The following KPNB1 variants were observed in gnomAD, a reference collection of about 807,000 sequenced individuals.
The protein encoded by KPNB1 is importin subunit beta-1.
A neutral mutation model predicts 113.0 loss-of-function variants in KPNB1; 7 were observed. The observed-to-expected ratio is 0.06, with a 90% CI of 0.04 to 0.12. KPNB1 has a LOEUF of 0.12. Among genes scored for constraint, KPNB1 ranks in the 10% least tolerant of loss-of-function variants. The pLI, the probability that KPNB1 is intolerant of heterozygous loss-of-function variation, is 1.00. For synonymous variants in KPNB1, 363 were observed against 378.6 expected (o/e 0.96, Z 0.48); for missense variants, 400 against 1,054.8 (o/e 0.38, Z 8.60).
intron 8 of KPNB1, 130 bp from the exon 9 acceptor site, chr17:47,664,927 C>G: frequency 1.4e-6 from 1 of 702,504 alleles, no homozygotes; most frequent in Non-Finnish European, 2.5e-6. Flanking sequence ...TCCAAGATCA[C>G]ATTGTATGTT....
intron 5 of KPNB1, 75 bp from the exon 6 acceptor site, chr17:47,661,044 G>A: frequency 3.3e-6 from 4 of 1,203,592 alleles, no homozygotes; most frequent in East Asian, 4.8e-5. Context: ...GGTTTTCCTT[G>A]TAGAGGGAGT....
Position 47,677,072 on chromosome 17 carries a change from C to T in KPNB1, c.2048C>T (p.Ser683Phe). ...GGAGACTTGTGCCGTGCCCTGCAAT[C>T]CAACATCATACCTTTCTGTGACGAG... ...LVGDLCRALQ[S>F]NIIPFCDEVM... is the part of the protein sequence containing the mutation. Residue 683 changes from serine (S) to phenylalanine (F), a missense_variant, in exon 17 of 22, where the codon TCC (serine) becomes TTC (phenylalanine). Transcript: ENST00000290158. 6.2e-7 allele frequency: 1 copy of T among 1,614,028 alleles called. No individual in the cohort carries two copies. The highest frequency in any genetic ancestry group is 1.1e-5 in the South Asian group (1 of 91,070).
At chr17:47,677,224 T>C (rs750611818) in intron 17 of KPNB1, 97 bp downstream of exon 17, 3 of 975,144 alleles carry the variant, frequency 3.1e-6, no homozygotes, top group Non-Finnish European at 4.7e-6. Context: ...CGCAGTGGCC[T>C]GTAATCCCAG....
chr17:47,657,325 A>T (rs1443539612), intron 4 of KPNB1, among the ~76,000 whole-genome samples: 1 of 152,202 alleles, frequency 6.6e-6, no homozygotes, highest in Non-Finnish European at 1.5e-5. Flanking sequence ...AAATGAGGAT[A>T]TTCTCATTTG....
intron 21 of KPNB1, among the ~76,000 whole-genome samples, chr17:47,681,055 T>TGTGTG (rs1567896335): frequency 5.4e-5 from 8 of 147,226 alleles, no homozygotes; most frequent in South Asian, 4.3e-4. Flanking sequence ...AAATGTTTTT[T>TGTGTG]TGTGTGTGTG....
At chr17:47,664,130 T>G (rs754178419) in intron 7 of KPNB1, 29 bp from the exon 8 acceptor site, 3 of 1,457,576 alleles carry the variant, frequency 2.1e-6, no homozygotes, top group African/African-American at 1.4e-5. Context: ...CAGTACTTAT[T>G]TGGGGCCTGG....
At chr17:47,658,762 AC>A in intron 5 of KPNB1, 102 bp downstream of exon 5, 2 of 954,032 alleles carry the variant, frequency 2.1e-6, no homozygotes, top group Non-Finnish European at 3.1e-6. Context: ...TTTAGAAAGT[AC>A]CACCTACTTA....
At chr17:47,677,246 G>T in intron 17 of KPNB1, 119 bp downstream of exon 17, 3 of 757,460 alleles carry the variant, frequency 4.0e-6, no homozygotes, top group Non-Finnish European at 4.4e-6. Context: ...ATTTTGGGAG[G>T]CCGAGGCAGG....
chr17:47,653,485 G>A (rs1374622408), intron 3 of KPNB1, among the ~76,000 whole-genome samples: 4 of 152,012 alleles, frequency 2.6e-5, no homozygotes, highest in African/African-American at 9.7e-5. Context: ...CAGGTGATCT[G>A]CCTGCCTTGG....
At chr17:47,653,596 A>T (rs1305885010) in intron 3 of KPNB1, among the ~76,000 whole-genome samples, 1 of 152,210 alleles carries the variant, frequency 6.6e-6, no homozygotes, top group African/African-American at 2.4e-5. Context: ...GGTAAGGCAC[A>T]AAGAGGAGTG....
At position 47,679,336 on chromosome 17, in the gene KPNB1, A is replaced by G. The variant is rs1049286820; in HGVS notation, c.2354-684A>G. Among the ~76,000 whole-genome samples the G allele has an allele frequency of 5.3e-5, 8 of 152,296 alleles. No homozygotes were observed. In the East Asian group the frequency reaches 1.5e-3, roughly 29 times the overall value. ...GCTTCCTGTATCAACCATGAGTGGC[A>G]GGTCCCCTACCCCTTTCCCATCCCC... On this transcript the variant is annotated intron_variant, in intron 19 of 21. Coordinates refer to ENST00000290158, the MANE Select transcript of KPNB1 (RefSeq NM_002265.6).
At position 47,674,797 on chromosome 17, in the gene KPNB1, C is replaced by T. The variant is rs1265168235; in HGVS notation, c.1912+15C>T. On this transcript the variant is annotated intron_variant, in intron 15 of 21. Transcript: ENST00000290158. ...ACTGGTGGAAGGTCGGTGAGAAATA[C>T]TGTCTGGTCAGGGAATGTCTTTGGA... 5 of 1,602,150 alleles carry T rather than the reference C, an allele frequency of 3.1e-6. No homozygotes were observed. In the East Asian group the frequency reaches 8.9e-5, roughly 29 times the overall value.
intron 5 of KPNB1, among the ~76,000 whole-genome samples, chr17:47,659,913 T>C (rs1237417100): frequency 1.3e-5 from 2 of 151,518 alleles, no homozygotes; most frequent in African/African-American, 2.4e-5. Context: ...AAAAAAAATA[T>C]ATATATATGT....
rs186102346 is a variant in KPNB1, at chr17:47,682,578, C to T, written c.*174C>T. 29 of 639,994 alleles carry T rather than the reference C, an allele frequency of 4.5e-5. No individual in the cohort carries two copies. Among genetic ancestry groups the T allele is most frequent in the South Asian group, 3.1e-4 (17 of 55,292 alleles). 39.6% of individuals were successfully genotyped at this position (639,994 alleles called of 1,614,324 possible). A position where few individuals can be genotyped will look rare whatever the true frequency, so the allele number is the denominator to read the frequency against. On this transcript the variant is annotated 3_prime_UTR_variant, in exon 22 of 22. Coordinates refer to ENST00000290158, the MANE Select transcript of KPNB1 (RefSeq NM_002265.6). ...ATCCTGCCACAGCAGCAGCCGCAGC[C>T]GCCAACAGCAGCGCTGTTAGTGAGC...
In KPNB1 at chr17:47,670,135, G is replaced by A. The variant is rs148591743; in HGVS notation, c.1416+266G>A. 3.9e-5 allele frequency among the ~76,000 whole-genome samples: 6 copies of A among 152,288 alleles called. No individual in the cohort carries two copies. In the East Asian group the frequency reaches 1.2e-3, roughly 29 times the overall value. The stretch of plus-strand genomic sequence containing the variant: ...TGGACTTGGGTTGCTTTCTTGAATT[G>A]CTTGGGGACAAGAAGTTTTGATTAA... On this transcript the variant is annotated intron_variant, in intron 11 of 21. Coordinates refer to ENST00000290158, the MANE Select transcript of KPNB1 (RefSeq NM_002265.6).
intron 15 of KPNB1, among the ~76,000 whole-genome samples, chr17:47,676,149 G>T (rs996848892): frequency 2.6e-5 from 4 of 152,142 alleles, no homozygotes; most frequent in Admixed American, 2.6e-4. Flanking sequence ...CCACTTGGTT[G>T]TATTAGTCAG....
chr17:47,683,895 A>G lies in KPNB1; in HGVS notation c.*1491A>G, dbSNP rs973819891. On this transcript the variant is annotated 3_prime_UTR_variant, in exon 22 of 22. Coordinates refer to ENST00000290158, the MANE Select transcript of KPNB1 (RefSeq NM_002265.6). ...TATTTTTTTAGAAGTGTGATGTGGT[A>G]TGATTACCATAAATCAGACTTAATT... The G allele has an allele frequency of 3.3e-5, 5 of 152,468 alleles. No individual in the cohort carries two copies. Among genetic ancestry groups the G allele is most frequent in the Admixed American group, 2.0e-4 (3 of 15,294 alleles). 9.4% of individuals were successfully genotyped at this position (152,468 alleles called of 1,614,324 possible).
At chr17:47,678,227 G>A in intron 18 of KPNB1, 38 bp downstream of exon 18, 1 of 1,610,956 alleles carries the variant, frequency 6.2e-7, no homozygotes, top group African/African-American at 1.3e-5. Context: ...TTTAAGTCTA[G>A]CTCTAATTGG....
rs992824111 is a variant in KPNB1 at position 47,675,322 on chromosome 17, A to T, written c.1912+540A>T. Among the ~76,000 whole-genome samples, 4 of 148,432 alleles carry T rather than the reference A, an allele frequency of 2.7e-5. No individual in the cohort carries two copies. In the East Asian group the frequency reaches 5.9e-4, roughly 22 times the overall value. On this transcript the variant is annotated intron_variant, in intron 15 of 21. Coordinates refer to ENST00000290158, the MANE Select transcript of KPNB1 (RefSeq NM_002265.6). The stretch of plus-strand genomic sequence containing the variant: ...ATAACTGCCTTGTCAGTCCATTTAA[A>T]TGGGGAGCCAGTTTGCAACGGAGAT...
Sources: allele counts gnomAD v4.1 joint callset (sites outside exome capture counted in the v4.1 genomes callset), GRCh38; gene constraint gnomAD v4.1.1; transcripts MANE v1.5; gene names NCBI Gene and HGNC (gene_info 2026-07-23, HGNC 2026-07-21).